YEATS2: variants seen among roughly 807,000 people sequenced by gnomAD.
YEATS2 encodes the protein YEATS domain containing 2.
In YEATS2, 77 loss-of-function variants were observed where a neutral mutation model predicts 163.2. The ratio of observed to expected loss-of-function variants is 0.47; its 90% confidence interval spans 0.39 to 0.57. The LOEUF (loss-of-function observed/expected upper bound fraction) is 0.57. Ranked by LOEUF, YEATS2 falls within the 20% of genes least tolerant of loss-of-function variation. The pLI is 0.00. For synonymous variants in YEATS2, 631 were observed against 645.1 expected, an observed-to-expected ratio of 0.98 and a Z score of 0.33; for missense variants, 1,549 against 1,729.8, an observed-to-expected ratio of 0.90 and a Z score of 1.85.
At chr3:183,786,388 G>T in intron 20 of YEATS2, 87 bp downstream of exon 20, 1 of 1,317,784 alleles carries the variant, frequency 7.6e-7, no homozygotes, top group Admixed American at 2.4e-5. Context: ...CACACCAGTG[G>T]ACCTTTTAAA....
Position 183,803,053 on chromosome 3 carries a change from T to C in YEATS2, c.3503-203T>C. ...CAAAGAAGCAAAGTGCCCAGGAAGG[T>C]GTGTTGCTTTGAGTACACACGGCAA... On this transcript the variant is annotated intron_variant, in intron 25 of 30. Coordinates refer to ENST00000305135, the MANE Select transcript of YEATS2 (RefSeq NM_018023.5). 3 of 580,698 alleles carry C rather than the reference T, an allele frequency of 5.2e-6. No individual in the cohort carries two copies. In the South Asian group the frequency reaches 6.5e-5, roughly 13 times the overall value. 36.0% of individuals were successfully genotyped at this position (580,698 alleles called of 1,614,324 possible).
At chr3:183,728,636 G>A in intron 6 of YEATS2, 54 bp from the exon 7 acceptor site, 1 of 1,456,418 alleles carries the variant, frequency 6.9e-7, no homozygotes, top group East Asian at 2.4e-5. Flanking sequence ...TAATTATTTA[G>A]TTAGGTTTTT....
At chr3:183,773,297 C>T (rs533364478) in intron 16 of YEATS2, among the ~76,000 whole-genome samples, 1 of 152,044 alleles carries the variant, frequency 6.6e-6, no homozygotes, top group Non-Finnish European at 1.5e-5. Flanking sequence ...TCGTCCAAAC[C>T]ACAGTACTTT....
chr3:183,711,469 T>TG (rs1715213121), intron 1 of YEATS2, among the ~76,000 whole-genome samples: 1 of 84,102 alleles, frequency 1.2e-5, no homozygotes, highest in African/African-American at 5.5e-5. Context: ...AGACTCTGTC[T>TG]CAAAAAAAAA....
At chr3:183,805,735 G>A (rs1234979667) in intron 27 of YEATS2, among the ~76,000 whole-genome samples, 3 of 152,000 alleles carry the variant, frequency 2.0e-5, no homozygotes, top group African/African-American at 7.3e-5. Flanking sequence ...GCTGCAGCGA[G>A]CTGTAATCAT....
intron 13 of YEATS2, among the ~76,000 whole-genome samples, chr3:183,760,313 A>ATTTTT (rs11417378): frequency 1.1e-4 from 12 of 110,310 alleles, no homozygotes; most frequent in Non-Finnish European, 1.6e-4. Flanking sequence ...AAACTACAGA[A>ATTTTT]TTTTTTTTTT....
intron 21 of YEATS2, among the ~76,000 whole-genome samples, chr3:183,792,798 C>T (rs1307902156): frequency 6.6e-6 from 1 of 152,160 alleles, no homozygotes; most frequent in African/African-American, 2.4e-5. Flanking sequence ...CATGAGCCAC[C>T]ATGCCCAGCC....
At chr3:183,746,476 G>A (rs1052073976) in intron 8 of YEATS2, among the ~76,000 whole-genome samples, 2 of 152,112 alleles carry the variant, frequency 1.3e-5, no homozygotes, top group African/African-American at 4.8e-5. Context: ...ACCTGTTCCT[G>A]TTACATTTCT....
At chr3:183,805,316 C>T (rs1726077022) in intron 27 of YEATS2, among the ~76,000 whole-genome samples, 1 of 151,920 alleles carries the variant, frequency 6.6e-6, no homozygotes, top group African/African-American at 2.4e-5. Flanking sequence ...AGAGGGATCA[C>T]TTGAGCCCGG....
chr3:183,800,649 T>G (rs2108514546), intron 24 of YEATS2, 81 bp downstream of exon 24: 1 of 1,170,226 alleles, frequency 8.5e-7, no homozygotes, highest in East Asian at 2.4e-5. Flanking sequence ...TGCAGAGTTG[T>G]GTGTGTGTAG....
At chr3:183,717,622 C>T in intron 2 of YEATS2, 29 bp from the exon 3 acceptor site, 1 of 1,479,060 alleles carries the variant, frequency 6.8e-7, no homozygotes, top group South Asian at 1.3e-5. Flanking sequence ...TTAATTAGGC[C>T]TTGGATGTAT....
At chr3:183,740,603 T>C (rs902031256) in intron 8 of YEATS2, among the ~76,000 whole-genome samples, 5 of 152,188 alleles carry the variant, frequency 3.3e-5, no homozygotes, top group African/African-American at 1.2e-4. Flanking sequence ...TTCAATTCTG[T>C]CAAGACTGAG....
At chr3:183,704,540 TTTTA>T (rs948501364) in intron 1 of YEATS2, among the ~76,000 whole-genome samples, 45 of 152,262 alleles carry the variant, frequency 3.0e-4, no homozygotes, top group African/African-American at 1.1e-3. Flanking sequence ...TAATATTAAT[TTTTA>T]TTAAGATCAG....
intron 20 of YEATS2, among the ~76,000 whole-genome samples, chr3:183,790,354 AT>A (rs1475966549): frequency 6.6e-6 from 1 of 152,108 alleles, no homozygotes; most frequent in Non-Finnish European, 1.5e-5. Context: ...CTTAACCATT[AT>A]GCCGGCCATG....
intron 7 of YEATS2, among the ~76,000 whole-genome samples, chr3:183,731,007 A>C (rs1352249659): frequency 6.6e-6 from 1 of 152,170 alleles, no homozygotes; most frequent in Non-Finnish European, 1.5e-5. Flanking sequence ...GTTGGTGGTC[A>C]GAAAGTGGAA....
At chr3:183,770,357 CAG>C (rs1292821224) in intron 15 of YEATS2, among the ~76,000 whole-genome samples, 2 of 151,860 alleles carry the variant, frequency 1.3e-5, no homozygotes, top group Non-Finnish European at 1.5e-5. Context: ...TCCTGGGTGA[CAG>C]AGCGAGACTC....
chr3:183,785,584 A>C (rs1406624433), intron 19 of YEATS2, among the ~76,000 whole-genome samples: 1 of 151,806 alleles, frequency 6.6e-6, no homozygotes, highest in East Asian at 1.9e-4. Context: ...TGAGCCCAGG[A>C]GTTCGAGGCT....
rs201506209 is a variant in YEATS2 at position 183,801,414 on chromosome 3, GTATT to G, written c.3429-38_3429-35del. The G allele has an allele frequency of 8.7e-5, 127 of 1,457,706 alleles. No individual in the cohort carries two copies. The East Asian group carries it at 2.9e-3, about 33-fold the overall frequency. The allele number at this position is 1,457,706 out of a possible 1,614,324, so 90.3% of individuals were successfully genotyped here. On this transcript the variant is annotated intron_variant, in intron 24 of 30. Coordinates refer to ENST00000305135, the MANE Select transcript of YEATS2 (RefSeq NM_018023.5). ...TATATGGCTATAGAAACTGCTACAT[GTATT>G]TAATTTATTGCCTTAATTTTTTTTT... is the stretch of plus-strand genomic sequence containing the variant.
At position 183,760,199 on chromosome 3, in the gene YEATS2, G is replaced by T. The variant is rs186128832; in HGVS notation, c.1656+1234G>T. 6.3e-3 allele frequency among the ~76,000 whole-genome samples: 952 copies of T among 151,068 alleles called. 9 individuals are homozygous for T. The highest frequency in any genetic ancestry group is 0.022 in the African/African-American group (902 of 41,116). On this transcript the variant is annotated intron_variant, in intron 13 of 30. Transcript: ENST00000305135. Reference sequence around the variant, plus strand: ...TAACTCTGCTGGTTTAATTTTTATTGTTTGTTGGTGATCATTTTACTTTAC... The same window carrying T: ...TAACTCTGCTGGTTTAATTTTTATTTTTTGTTGGTGATCATTTTACTTTAC...
Sources: allele counts gnomAD v4.1 joint callset (sites outside exome capture counted in the v4.1 genomes callset), GRCh38; gene constraint gnomAD v4.1.1; transcripts MANE v1.5; gene names NCBI Gene and HGNC (gene_info 2026-07-23, HGNC 2026-07-21).